SLC25A21: variants seen among roughly 807,000 people sequenced by gnomAD.
The protein encoded by SLC25A21 is mitochondrial 2-oxodicarboxylate carrier.
SLC25A21 carries 47 observed loss-of-function variants against 43.8 expected under a neutral mutation model. That is an observed-to-expected ratio of 1.07 (90% CI 0.85 to 1.37). The LOEUF (loss-of-function observed/expected upper bound fraction) is 1.37, where lower values mean the gene tolerates loss of function less well. SLC25A21 is among the 40% of genes most tolerant of loss of function. SLC25A21 has a pLI of 0.00. For missense variants in SLC25A21, 352 were observed against 350.2 expected, an observed-to-expected ratio of 1.00 and a Z score of -0.04; for synonymous variants, 131 against 121.3, an observed-to-expected ratio of 1.08 and a Z score of -0.52.
At chr14:37,029,112 T>C (rs1961154006) in intron 1 of SLC25A21, among the ~76,000 whole-genome samples, 2 of 152,234 alleles carry the variant, frequency 1.3e-5, no homozygotes, top group South Asian at 4.1e-4. Context: ...GGCTATATCA[T>C]ATTCAGAGTT....
intron 1 of SLC25A21, among the ~76,000 whole-genome samples, chr14:37,127,239 T>C (rs1388474146): frequency 6.6e-6 from 1 of 152,130 alleles, no homozygotes. Context: ...CAAATGAGGC[T>C]CAAAGGGCTT....
chr14:36,913,900 A>G (rs1891758902), intron 1 of SLC25A21, among the ~76,000 whole-genome samples: 2 of 152,244 alleles, frequency 1.3e-5, no homozygotes, highest in Admixed American at 1.3e-4. Context: ...GGAATATTCT[A>G]GTAAGTATGA....
At chr14:36,922,980 A>G (rs904024571) in intron 1 of SLC25A21, among the ~76,000 whole-genome samples, 4 of 152,180 alleles carry the variant, frequency 2.6e-5, no homozygotes, top group African/African-American at 9.6e-5. Flanking sequence ...ACGCAGACCC[A>G]GGAGAAAAAT....
intron 2 of SLC25A21, among the ~76,000 whole-genome samples, chr14:36,816,872 T>G (rs1888474943): frequency 2.0e-5 from 3 of 152,280 alleles, no homozygotes; most frequent in Admixed American, 1.3e-4. Flanking sequence ...AATAAGAATC[T>G]TCATTTCTGT....
At position 36,678,939 on chromosome 14, in the gene SLC25A21, G is replaced by A. The variant is rs1012551813; in HGVS notation, c.*1719C>T. ...AGAAGGAAAATAGGATGGATTAAAGGGTTAACTTTTAAAGATTATTATTGG... is the reference window on the plus strand; with the variant it reads ...AGAAGGAAAATAGGATGGATTAAAGAGTTAACTTTTAAAGATTATTATTGG... On this transcript the variant is annotated 3_prime_UTR_variant, in exon 10 of 10. Coordinates refer to ENST00000331299, the MANE Select transcript of SLC25A21 (RefSeq NM_030631.4). 6 of 980,188 alleles carry A rather than the reference G, an allele frequency of 6.1e-6. No individual in the cohort carries two copies. Among genetic ancestry groups the A allele is most frequent in the Admixed American group, 6.1e-5 (1 of 16,340 alleles). 60.7% of individuals were successfully genotyped at this position (980,188 alleles called of 1,614,324 possible).
At chr14:36,892,331 G>T (rs1165026808) in intron 1 of SLC25A21, among the ~76,000 whole-genome samples, 1 of 152,118 alleles carries the variant, frequency 6.6e-6, no homozygotes, top group South Asian at 2.1e-4. Flanking sequence ...CATTCTGAGA[G>T]AGATATATTT....
chr14:36,742,251 TTTC>T lies in SLC25A21; in HGVS notation c.204-7681_204-7679del, dbSNP rs776202290. Among the ~76,000 whole-genome samples, 92 of 152,200 alleles carry T rather than the reference TTTC, an allele frequency of 6.0e-4. 1 individual carries two copies. Among genetic ancestry groups the T allele is most frequent in the Non-Finnish European group, 1.2e-3 (80 of 68,034 alleles). Reference sequence around the variant, plus strand: ...CTGATTGAAGGCATACAATATCCTCTTTCTTCTTCTGCTGTCAGATCCAAGTTT... The same window carrying T: ...CTGATTGAAGGCATACAATATCCTCTTTCTTCTGCTGTCAGATCCAAGTTT... On this transcript the variant is annotated intron_variant, in intron 3 of 9. Coordinates refer to ENST00000331299, the MANE Select transcript of SLC25A21 (RefSeq NM_030631.4).
intron 1 of SLC25A21, among the ~76,000 whole-genome samples, chr14:36,926,611 C>T (rs1892140069): frequency 1.3e-5 from 2 of 152,168 alleles, no homozygotes; most frequent in South Asian, 4.1e-4. Context: ...ATGAAACTCA[C>T]TAAAATTAGT....
At chr14:36,966,327 A>G (rs139013401) in intron 1 of SLC25A21, among the ~76,000 whole-genome samples, 14 of 152,208 alleles carry the variant, frequency 9.2e-5, no homozygotes, top group African/African-American at 3.4e-4. Context: ...ACAACTCCCT[A>G]CCAGATGGTC....
Position 37,007,754 on chromosome 14 carries a change from T to C in SLC25A21, c.71-132750A>G, listed in dbSNP as rs554651444. Among the ~76,000 whole-genome samples the C allele has an allele frequency of 8.9e-4, 136 of 152,212 alleles. 1 individual carries two copies. The South Asian group carries it at 0.028, about 31-fold the overall frequency. On this transcript the variant is annotated intron_variant, in intron 1 of 9. Coordinates refer to ENST00000331299, the MANE Select transcript of SLC25A21 (RefSeq NM_030631.4). ...TTTACGGGAAGAAATTATCAATAGT[T>C]TATTCATTTTTTCAGTGAAAGCATG...
intron 3 of SLC25A21, among the ~76,000 whole-genome samples, chr14:36,764,030 G>GA (rs1886264695): frequency 1.1e-5 from 1 of 89,656 alleles, no homozygotes; most frequent in African/African-American, 4.1e-5. Flanking sequence ...CTCTGTGAAA[G>GA]AAAGAAAAAG....
intron 2 of SLC25A21, among the ~76,000 whole-genome samples, chr14:36,866,406 C>T (rs1260304328): frequency 6.6e-6 from 1 of 152,198 alleles, no homozygotes; most frequent in Non-Finnish European, 1.5e-5. Flanking sequence ...ACACCTCAGT[C>T]ATTCTTTCTT....
intron 1 of SLC25A21, among the ~76,000 whole-genome samples, chr14:36,938,021 T>G (rs1320430158): frequency 1.3e-5 from 2 of 152,200 alleles, no homozygotes; most frequent in East Asian, 3.8e-4. Context: ...AAAAATTTTT[T>G]TTAATGGCAA....
intron 1 of SLC25A21, among the ~76,000 whole-genome samples, chr14:36,894,825 T>C (rs1353669899): frequency 1.3e-5 from 2 of 152,248 alleles, no homozygotes; most frequent in Non-Finnish European, 2.9e-5. Flanking sequence ...TGGTTCTGTT[T>C]ATATGCTGGA....
At chr14:36,695,891 C>T (rs1300062739) in intron 7 of SLC25A21, among the ~76,000 whole-genome samples, 1 of 152,156 alleles carries the variant, frequency 6.6e-6, no homozygotes, top group Non-Finnish European at 1.5e-5. Flanking sequence ...TAATTGAATA[C>T]CCTTTATTTC....
In SLC25A21 at chr14:36,944,545, A is replaced by T. The variant is rs553800776; in HGVS notation, c.71-69541T>A. On this transcript the variant is annotated intron_variant, in intron 1 of 9. Coordinates refer to ENST00000331299, the MANE Select transcript of SLC25A21 (RefSeq NM_030631.4). ...ATCCACACAGGCTGTGGAGAGCGAC[A>T]TCTGTTCCACAGTCTTCTCCCTGAA... 3.3e-5 allele frequency among the ~76,000 whole-genome samples: 5 copies of T among 152,254 alleles called. No homozygotes were observed. The South Asian group carries it at 1.0e-3, about 32-fold the overall frequency.
chr14:36,911,458 G>A (rs1027656124), intron 1 of SLC25A21, among the ~76,000 whole-genome samples: 5 of 152,152 alleles, frequency 3.3e-5, no homozygotes, highest in African/African-American at 1.2e-4. Context: ...CCCTGATGGG[G>A]TGCCCTCCTG....
chr14:36,894,694 A>G (rs1426483386), intron 1 of SLC25A21, among the ~76,000 whole-genome samples: 2 of 152,166 alleles, frequency 1.3e-5, no homozygotes, highest in African/African-American at 4.8e-5. Flanking sequence ...GATAGCTCCT[A>G]TTATTTTGAG....
intron 7 of SLC25A21, among the ~76,000 whole-genome samples, chr14:36,690,792 T>C (rs2139151130): frequency 6.6e-6 from 1 of 152,336 alleles, no homozygotes; most frequent in African/African-American, 2.4e-5. Flanking sequence ...ATCTAGCTTC[T>C]GCCTCTTAAA....
Sources: gnomAD v4.1 joint callset for allele counts (sites outside exome capture counted in the v4.1 genomes callset) on GRCh38, gnomAD v4.1.1 for gene constraint, MANE v1.5 for transcripts, NCBI Gene and HGNC (gene_info 2026-07-23, HGNC 2026-07-21) for gene names.